SLC26A11: variants seen among roughly 807,000 people sequenced by gnomAD.
SLC26A11 encodes solute carrier family 26 member 11.
SLC26A11 carries 58 observed loss-of-function variants against 62.2 expected under a neutral mutation model. The ratio of observed to expected loss-of-function variants is 0.93; its 90% CI spans 0.76 to 1.16. The LOEUF (loss-of-function observed/expected upper bound fraction) is 1.16. SLC26A11 is among the 50% of genes most tolerant of loss of function. The probability of loss-of-function intolerance (pLI) is 0.00; values close to 1 mark genes in which losing one functional copy is unlikely to be tolerated. For synonymous variants in SLC26A11, 411 were observed against 368.9 expected (o/e 1.11, Z -1.31); for missense variants, 790 against 794.3 (o/e 0.99, Z 0.06).
chr17:80,249,550 G>A (rs2043103740), intron 16 of SLC26A11, among the ~76,000 whole-genome samples: 2 of 152,194 alleles, frequency 1.3e-5, no homozygotes, highest in South Asian at 4.1e-4. Context: ...TTTGTGCTGG[G>A]GACACACAGT....
At chr17:80,235,195 A>G (rs1251597059) in intron 7 of SLC26A11, among the ~76,000 whole-genome samples, 2 of 151,004 alleles carry the variant, frequency 1.3e-5, no homozygotes, top group African/African-American at 2.4e-5. Context: ...TTTACTTAAC[A>G]GTTGCAATCT....
Position 80,245,137 on chromosome 17 carries a change from C to T in SLC26A11, c.1037-59C>T, listed in dbSNP as rs2042960643. On this transcript the variant is annotated intron_variant, in intron 10 of 17. Coordinates refer to ENST00000361193, the MANE Select transcript of SLC26A11 (RefSeq NM_001166347.2). Reference sequence around the variant, plus strand: ...GGGTTTTTGTCCCCCTCCCCATCTCCTTTCCCTCCATCCTGTGTGCCTTCC... The same window carrying T: ...GGGTTTTTGTCCCCCTCCCCATCTCTTTTCCCTCCATCCTGTGTGCCTTCC... 1.0e-5 allele frequency: 16 copies of T among 1,543,104 alleles called. No homozygotes were observed. The South Asian group carries it at 1.1e-4, about 11-fold the overall frequency.
chr17:80,221,287 A>C, intron 2 of SLC26A11, 172 bp downstream of exon 2: 1 of 451,200 alleles, frequency 2.2e-6, no homozygotes, highest in Non-Finnish European at 3.9e-6. Context: ...GGGAGAGTTG[A>C]GGATGGAGGG....
rs201496389 is a variant in SLC26A11 at position 80,222,957 on chromosome 17, GTA to G, written c.427+112_427+113del. 2,596 of 865,662 alleles carry G rather than the reference GTA, an allele frequency of 3.0e-3. 53 individuals carry two copies. In the African/African-American group the frequency reaches 0.039, roughly 13 times the overall value. The allele number at this position is 865,662 out of a possible 1,614,324, so 53.6% of individuals were successfully genotyped here. On this transcript the variant is annotated intron_variant, in intron 4 of 17. Transcript: ENST00000361193. This position sits in a 1 kb window ranked among gnomAD's most constrained non-coding sequence, Gnocchi z 4.7. ...TGTGTGCGTGTTGGGGTGTGGGTAT[GTA>G]TGTGTGTGTGTGTAGGTGGGTGGGT...
Position 80,248,138 on chromosome 17 carries a change from C to G in SLC26A11, c.1303C>G (p.Leu435Val), listed in dbSNP as rs538790431. Residue 435 changes from leucine to valine, a missense_variant, in exon 14 of 18, where the codon CTG becomes GTG. Leu to Val is a conservative substitution (Grantham distance 32). Coordinates refer to ENST00000361193, the MANE Select transcript of SLC26A11 (RefSeq NM_001166347.2). ...RTLWRVKRLD[L>V]LPLCVTFLLC... ...CTGTGCCCTTCTCCTAGGGCTGGAC[C>G]TGCTGCCCCTGTGCGTGACCTTCCT... 186 of 1,603,250 alleles carry G rather than the reference C, an allele frequency of 1.2e-4. 4 individuals are homozygous for G. The Admixed American group carries it at 2.2e-3, about 19-fold the overall frequency.
intron 8 of SLC26A11, 135 bp from the exon 9 acceptor site, chr17:80,237,384 CAAG>C (rs2042726398): frequency 4.6e-6 from 4 of 866,914 alleles, no homozygotes; most frequent in Non-Finnish European, 7.1e-6. Flanking sequence ...CCTCTTCAGA[CAAG>C]GAGGCGGATC....
chr17:80,245,640 C>T (rs952364399), intron 11 of SLC26A11, among the ~76,000 whole-genome samples: 2 of 152,202 alleles, frequency 1.3e-5, no homozygotes, highest in Non-Finnish European at 2.9e-5. Context: ...AGAAAGTTCC[C>T]AGCACGCCAA....
Position 80,246,403 on chromosome 17 carries a change from A to T in SLC26A11, c.1154-106A>T, listed in dbSNP as rs2042997471. On this transcript the variant is annotated intron_variant, in intron 12 of 17. Coordinates refer to ENST00000361193, the MANE Select transcript of SLC26A11 (RefSeq NM_001166347.2). This position sits in a 1 kb window ranked among gnomAD's most constrained non-coding sequence, Gnocchi z 4.4. Reference sequence around the variant, plus strand: ...TGGGGGCCTTGGCAGTCGTCGCCCTACCCCCACCCCTGTCCCCAGTGGGCT... The same window carrying T: ...TGGGGGCCTTGGCAGTCGTCGCCCTTCCCCCACCCCTGTCCCCAGTGGGCT... 1 of 1,510,430 alleles carries T rather than the reference A, an allele frequency of 6.6e-7. No homozygotes were observed. The highest frequency in any genetic ancestry group is 8.9e-7 in the Non-Finnish European group (1 of 1,120,578). 93.6% of individuals were successfully genotyped at this position (1,510,430 alleles called of 1,614,324 possible). A position where few individuals can be genotyped will look rare whatever the true frequency, so the allele number is the denominator to read the frequency against.
At chr17:80,251,631 C>T (rs1038498873) in intron 17 of SLC26A11, among the ~76,000 whole-genome samples, 3 of 151,990 alleles carry the variant, frequency 2.0e-5, no homozygotes, top group Non-Finnish European at 4.4e-5. Flanking sequence ...GGTGTGGTGG[C>T]ATGCACCTCT....
chr17:80,236,159 C>T (rs1212098387), intron 7 of SLC26A11, among the ~76,000 whole-genome samples: 1 of 152,196 alleles, frequency 6.6e-6, no homozygotes, highest in African/African-American at 2.4e-5. Flanking sequence ...GGTGTGAATC[C>T]TTGGGATTGT....
intron 6 of SLC26A11, among the ~76,000 whole-genome samples, chr17:80,226,128 C>T (rs936394137): frequency 2.6e-5 from 4 of 152,050 alleles, no homozygotes; most frequent in Non-Finnish European, 2.9e-5. Context: ...AACAGGAGGC[C>T]GGTGGTCTGC....
At chr17:80,224,276 AGTGCGTGTGTGAGTGAGT>A (rs1230402446) in intron 5 of SLC26A11, among the ~76,000 whole-genome samples, 6 of 146,790 alleles carry the variant, frequency 4.1e-5, no homozygotes, top group Non-Finnish European at 7.5e-5. Context: ...TGTGTGAGTG[AGTGCGTGTGTGAGTGAGT>A]GTGCGTGTGT....
Position 80,221,732 on chromosome 17 carries a change from G to C in SLC26A11, c.172G>C (p.Val58Leu). The change falls in exon 3 of 18, where the codon GTT (valine) becomes CTT (leucine). Residue 58 changes from valine to leucine, a missense_variant. Physicochemically the swap from Val to Leu is conservative, Grantham distance 32. Transcript: ENST00000361193. ...LKMDFVAGLS[V>L]GLTAIPQALA... ...GATGGATTTCGTCGCCGGCCTCTCA[G>C]TTGGCCTCACTGCCATTCCCCAGGC... 6.2e-7 allele frequency: 1 copy of C among 1,613,672 alleles called. No homozygotes were observed. Among genetic ancestry groups the C allele is most frequent in the South Asian group, 1.1e-5 (1 of 91,082 alleles).
chr17:80,228,164 G>A lies in SLC26A11; in HGVS notation c.736+204G>A, dbSNP rs890855529. Among the ~76,000 whole-genome samples the A allele has an allele frequency of 3.3e-5, 5 of 151,934 alleles. No individual in the cohort carries two copies. The highest frequency in any genetic ancestry group is 4.8e-5 in the African/African-American group (2 of 41,334). ...TAATTATTTTTTGAGACAGAGTTTC[G>A]CTCTGTCGCCCAGGCTGGAGTACAG... On this transcript the variant is annotated intron_variant, in intron 7 of 17. Transcript: ENST00000361193. This position sits in a 1 kb window ranked among gnomAD's most constrained non-coding sequence, Gnocchi z 4.1.
Position 80,227,953 on chromosome 17 carries a change from C to G in SLC26A11, c.729C>G (p.Ala243=). 6.3e-7 allele frequency: 1 copy of G among 1,599,954 alleles called. No homozygotes were observed. The highest frequency in any genetic ancestry group is 8.5e-7 in the Non-Finnish European group (1 of 1,179,622). Residue 243 remains alanine (A), a synonymous_variant, in exon 7 of 18, where the codon GCC becomes GCG. Coordinates refer to ENST00000361193, the MANE Select transcript of SLC26A11 (RefSeq NM_001166347.2). ...TCAGCCGTGGGCTGGTCTGGGCTGC[C>G]ACGACAGGTGAGGGGCCTCTGGCTG... is the stretch of plus-strand genomic sequence containing the variant. ...VRLSRGLVWA[A]TTARNALVVS...
At position 80,253,022 on chromosome 17, in the gene SLC26A11, T is replaced by A. The variant is rs1021359708; in HGVS notation, c.*306T>A. 4.7e-6 allele frequency: 1 copy of A among 210,672 alleles called. No homozygotes were observed. The highest frequency in any genetic ancestry group is 2.3e-5 in the African/African-American group (1 of 42,864). 13.1% of individuals were successfully genotyped at this position (210,672 alleles called of 1,614,324 possible). A position where few individuals can be genotyped will look rare whatever the true frequency, so the allele number is the denominator to read the frequency against. On this transcript the variant is annotated 3_prime_UTR_variant, in exon 18 of 18. Coordinates refer to ENST00000361193, the MANE Select transcript of SLC26A11 (RefSeq NM_001166347.2). ...CTGTGCGAGGAAGCAGGGGCAGGGGTTTCCAGCCCGGGCTGTGCGAGGCAT... is the reference window on the plus strand; with the variant it reads ...CTGTGCGAGGAAGCAGGGGCAGGGGATTCCAGCCCGGGCTGTGCGAGGCAT...
At chr17:80,251,280 T>C in intron 16 of SLC26A11, 49 bp from the exon 17 acceptor site, 2 of 1,613,778 alleles carry the variant, frequency 1.2e-6, no homozygotes, top group Non-Finnish European at 1.7e-6. Context: ...CCGACCCGTG[T>C]GCTACAGAGG....
chr17:80,245,313 C>A (rs559898728), intron 11 of SLC26A11, 57 bp downstream of exon 11: 12 of 1,568,194 alleles, frequency 7.7e-6, no homozygotes, highest in South Asian at 2.2e-5. Flanking sequence ...AACGTTGTTA[C>A]GCTGACAAGG....
intron 13 of SLC26A11, among the ~76,000 whole-genome samples, chr17:80,247,199 T>G (rs1417609297): frequency 6.6e-6 from 1 of 152,060 alleles, no homozygotes; most frequent in African/African-American, 2.4e-5. Context: ...CAGAGGAATT[T>G]TTCTTAGTGC....
Sources: allele counts gnomAD v4.1 joint callset (sites outside exome capture counted in the v4.1 genomes callset), GRCh38; gene constraint gnomAD v4.1.1; non-coding constraint Gnocchi (gnomAD v3.1); transcripts MANE v1.5; gene names NCBI Gene and HGNC (gene_info 2026-07-23, HGNC 2026-07-21).